The following IK variants were observed in gnomAD, a reference collection of about 807,000 sequenced individuals.
IK encodes IK cytokine.
A neutral mutation model predicts 90.9 loss-of-function variants in IK; 47 were observed. That is an observed-to-expected ratio of 0.52 (90% confidence interval 0.41 to 0.66). The LOEUF is 0.66. IK is among the 30% of genes least tolerant of loss of function. IK has a pLI of 0.00. For synonymous variants in IK, 201 were observed against 227.5 expected, an observed-to-expected ratio of 0.88 and a Z score of 1.05; for missense variants, 385 against 709.3, an observed-to-expected ratio of 0.54 and a Z score of 5.19.
chr5:140,654,198 C>T, intron 6 of IK, 146 bp downstream of exon 6: 1 of 637,188 alleles, frequency 1.6e-6, no homozygotes, highest in South Asian at 1.9e-5. Flanking sequence ...CTGATTGCTA[C>T]TCATCCTTCA....
intron 18 of IK, 36 bp downstream of exon 18, chr5:140,662,043 G>C: frequency 6.4e-7 from 1 of 1,572,422 alleles, no homozygotes; most frequent in Non-Finnish European, 8.7e-7. Context: ...GAGGGTTTCA[G>C]CTGGGAGAAG....
intron 10 of IK, 131 bp downstream of exon 10, chr5:140,657,793 G>C (rs1206412129): frequency 1.6e-6 from 1 of 622,904 alleles, no homozygotes; most frequent in African/African-American, 1.8e-5. Context: ...GGGAGTACTG[G>C]AGCATTGGCA....
chr5:140,659,179 C>G lies in IK; in HGVS notation c.1176+15C>G, dbSNP rs1757761384. The G allele has an allele frequency of 6.3e-7, 1 of 1,590,572 alleles. No homozygotes were observed. The highest frequency in any genetic ancestry group is 1.8e-5 in the Admixed American group (1 of 54,838). ...TAGATGATGAGGTGAGATGTGGGCCCTTAGTACCAGGTGATGGAGTTGCCC... is the reference window on the plus strand; with the variant it reads ...TAGATGATGAGGTGAGATGTGGGCCGTTAGTACCAGGTGATGGAGTTGCCC... On this transcript the variant is annotated intron_variant, in intron 12 of 19. Transcript: ENST00000417647.
chr5:140,648,651 C>T, intron 2 of IK, 114 bp downstream of exon 2: 2 of 1,041,440 alleles, frequency 1.9e-6, no homozygotes, highest in Non-Finnish European at 3.0e-6. Context: ...AAAATTATAC[C>T]CGCTGGCCCT....
At chr5:140,654,200 C>T in intron 6 of IK, 148 bp downstream of exon 6, 2 of 636,686 alleles carry the variant, frequency 3.1e-6, no homozygotes, top group Non-Finnish European at 5.6e-6. Flanking sequence ...GATTGCTACT[C>T]ATCCTTCAAG....
rs768212192 is a variant in IK at position 140,661,593 on chromosome 5, C to T, written c.1414-27C>T. On this transcript the variant is annotated intron_variant, in intron 16 of 19. Coordinates refer to ENST00000417647, the MANE Select transcript of IK (RefSeq NM_006083.4). This position sits in a 1 kb window ranked among gnomAD's most constrained non-coding sequence, Gnocchi z 4.2. ...ATTTCCACTGACATCTCTTCCTTCC[C>T]CATCCCCCGATTCTGTCCTGCAACA... The T allele has an allele frequency of 1.3e-5, 19 of 1,519,584 alleles. No individual in the cohort carries two copies. In the African/African-American group the frequency reaches 2.2e-4, roughly 18 times the overall value. 94.1% of individuals were successfully genotyped at this position (1,519,584 alleles called of 1,614,324 possible). A position where few individuals can be genotyped will look rare whatever the true frequency, so the allele number is the denominator to read the frequency against.
At position 140,658,738 on chromosome 5, in the gene IK, G is replaced by A. The variant is rs1757749537; in HGVS notation, c.912G>A (p.Gly304=). The A allele has an allele frequency of 1.9e-6, 3 of 1,608,724 alleles. No individual in the cohort carries two copies. The African/African-American group carries it at 4.0e-5, about 21-fold the overall frequency. ...CTGACTCCTCTCTTTAAATTTCAGGGAAGCTGGAAGAGAAGAAACCTCCTG... is the reference window on the plus strand; with the variant it reads ...CTGACTCCTCTCTTTAAATTTCAGGAAAGCTGGAAGAGAAGAAACCTCCTG... ...RNKKLKKKDK[G]KLEEKKPPEA... The change falls in exon 11 of 20, where the codon GGG becomes GGA. Residue 304 remains glycine (G), a splice_region_variant and synonymous_variant. Transcript: ENST00000417647.
chr5:140,657,689 C>T (rs746261321), intron 10 of IK, 27 bp downstream of exon 10: 18 of 1,453,758 alleles, frequency 1.2e-5, no homozygotes, highest in African/African-American at 1.4e-5. Context: ...AGAGAGAAGC[C>T]TTACCCACAG....
In IK at chr5:140,653,175, C is replaced by G. The variant is rs559205860; in HGVS notation, c.404+31C>G. 6 of 1,592,748 alleles carry G rather than the reference C, an allele frequency of 3.8e-6. No individual in the cohort carries two copies. The South Asian group carries it at 6.7e-5, about 18-fold the overall frequency. Reference sequence around the variant, plus strand: ...TACTGAGGGAACAGGGCATGGTTCCCTCAGCATCCGAGAGTCATGCAAATA... The same window carrying G: ...TACTGAGGGAACAGGGCATGGTTCCGTCAGCATCCGAGAGTCATGCAAATA... On this transcript the variant is annotated intron_variant, in intron 5 of 19. Coordinates refer to ENST00000417647, the MANE Select transcript of IK (RefSeq NM_006083.4).
rs767580763 is a variant in IK at position 140,661,985 on chromosome 5, G to A, written c.1589G>A (p.Arg530His). ...KETNDKAELDRQWKKISAIIE... is the reference protein window; with the variant it reads ...KETNDKAELDHQWKKISAIIE... The stretch of plus-strand genomic sequence containing the variant: ...ACCAATGACAAAGCAGAGCTTGATC[G>A]CCAGTGGAAGAAGATTAGTGCAGTA... Residue 530 changes from arginine to histidine, a missense_variant, in exon 18 of 20, where the codon CGC (arginine) becomes CAC (histidine). Arg to His is a conservative substitution (Grantham distance 29). Transcript: ENST00000417647. The surrounding 1 kb of genome is among the most constrained non-coding windows in gnomAD (Gnocchi z 4.2). 3.1e-6 allele frequency: 5 copies of A among 1,608,998 alleles called. No homozygotes were observed. The highest frequency in any genetic ancestry group is 2.2e-5 in the East Asian group (1 of 44,764).
At chr5:140,658,911 G>C (rs370034145) in intron 11 of IK, 28 bp from the exon 12 acceptor site, 96 of 1,612,982 alleles carry the variant, frequency 6.0e-5, no homozygotes, top group Admixed American at 3.3e-5. Flanking sequence ...GTGTGAATTT[G>C]GCCAGCTAGT....
intron 4 of IK, among the ~76,000 whole-genome samples, chr5:140,652,429 A>G (rs139697547): frequency 3.3e-5 from 5 of 152,284 alleles, no homozygotes; most frequent in African/African-American, 9.6e-5. Flanking sequence ...AACTTTTATC[A>G]GGATGTCATG....
rs754145569 is a variant in IK at position 140,662,015 on chromosome 5, G to C, written c.1611+8G>C. 2 of 1,597,978 alleles carry C rather than the reference G, an allele frequency of 1.3e-6. No homozygotes were observed. The highest frequency in any genetic ancestry group is 1.7e-6 in the Non-Finnish European group (2 of 1,170,710). On this transcript the variant is annotated splice_region_variant and intron_variant, in intron 18 of 19. Coordinates refer to ENST00000417647, the MANE Select transcript of IK (RefSeq NM_006083.4). Reference sequence around the variant, plus strand: ...TGGAAGAAGATTAGTGCAGTAAGTAGGATGGCCCCTTGGGTGGGAGGGTTT... The same window carrying C: ...TGGAAGAAGATTAGTGCAGTAAGTACGATGGCCCCTTGGGTGGGAGGGTTT...
intron 3 of IK, 98 bp from the exon 4 acceptor site, chr5:140,651,990 A>G: frequency 1.0e-6 from 1 of 953,960 alleles, no homozygotes; most frequent in Admixed American, 1.9e-5. Flanking sequence ...TACTTTGATC[A>G]GTATTCTAGG....
chr5:140,659,968 T>A, intron 14 of IK, 134 bp downstream of exon 14: 1 of 920,754 alleles, frequency 1.1e-6, no homozygotes, highest in South Asian at 1.5e-5. Context: ...AATGAAACCA[T>A]CCCTTGTTCC....
At chr5:140,654,165 C>A in intron 6 of IK, 113 bp downstream of exon 6, 1 of 671,446 alleles carries the variant, frequency 1.5e-6, no homozygotes, top group Non-Finnish European at 2.6e-6. Context: ...AGAAGAAGGG[C>A]TAAAGATGGC....
intron 10 of IK, among the ~76,000 whole-genome samples, chr5:140,658,479 G>A (rs140284064): frequency 0.018 from 2,770 of 151,884 alleles, 87 homozygotes; most frequent in African/African-American, 0.064. Context: ...CATCACACCC[G>A]GCTAATTTTT....
intron 1 of IK, 83 bp downstream of exon 1, chr5:140,648,007 G>GGTGTGTGTGTGTGTGTGTGGGT: frequency 2.1e-6 from 2 of 930,684 alleles, no homozygotes; most frequent in East Asian, 5.1e-5. Flanking sequence ...GCTTAAGCCG[G>GGTGTGTGTGTGTGTGTGTGGGT]GTGTGTGTGT....
intron 5 of IK, 45 bp downstream of exon 5, chr5:140,653,189 G>A (rs755123760): frequency 6.5e-7 from 1 of 1,542,268 alleles, no homozygotes; most frequent in South Asian, 1.1e-5. Flanking sequence ...GCATCCGAGA[G>A]TCATGCAAAT....
Sources: allele counts gnomAD v4.1 joint callset (sites outside exome capture counted in the v4.1 genomes callset), GRCh38; gene constraint gnomAD v4.1.1; non-coding constraint Gnocchi (gnomAD v3.1); transcripts MANE v1.5; gene names NCBI Gene and HGNC (gene_info 2026-07-23, HGNC 2026-07-21).